The following BRIP1 variants were observed in gnomAD, a reference collection of about 807,000 sequenced individuals.
BRIP1 encodes Fanconi anemia group J protein.
Under a neutral mutation model 119.7 loss-of-function variants are expected in BRIP1, and 88 were observed. The observed-to-expected ratio is 0.74, with a 90% CI of 0.62 to 0.88. The LOEUF (loss-of-function observed/expected upper bound fraction) is 0.88, where lower values mean the gene tolerates loss of function less well. BRIP1 is among the 40% of genes least tolerant of loss of function. The pLI is 0.00. For synonymous variants in BRIP1, 443 were observed against 496.5 expected, an observed-to-expected ratio of 0.89 and a Z score of 1.43; for missense variants, 1,259 against 1,455.4, an observed-to-expected ratio of 0.87 and a Z score of 2.20.
Position 61,788,246 on chromosome 17 carries a change from A to G in BRIP1, c.1474-3822T>C, listed in dbSNP as rs143816746. Among the ~76,000 whole-genome samples the G allele has an allele frequency of 4.9e-3, 742 of 152,258 alleles. 2 individuals are homozygous for G. Among genetic ancestry groups the G allele is most frequent in the African/African-American group, 0.017 (715 of 41,572 alleles). On this transcript the variant is annotated intron_variant, in intron 10 of 19. Coordinates refer to ENST00000259008, the MANE Select transcript of BRIP1 (RefSeq NM_032043.3). ...AATATATCATTTGTAATGGAAACAGAAACTTTAAGCTACCCATGAATAAAT... is the reference window on the plus strand; with the variant it reads ...AATATATCATTTGTAATGGAAACAGGAACTTTAAGCTACCCATGAATAAAT...
intron 14 of BRIP1, among the ~76,000 whole-genome samples, chr17:61,773,700 A>G (rs1196910822): frequency 2.0e-5 from 3 of 152,216 alleles, no homozygotes; most frequent in African/African-American, 7.2e-5. Flanking sequence ...ACAAAGGGCT[A>G]ATATCTAGAA....
rs768610883 is a variant in BRIP1 at position 61,746,210 on chromosome 17, G to A, written c.2098-1619C>T. Reference sequence around the variant, plus strand: ...ACAATATGCTTTAATTAAATAGGAAGAACTACTTTAATTCCATAAACACAG... The same window carrying A: ...ACAATATGCTTTAATTAAATAGGAAAAACTACTTTAATTCCATAAACACAG... On this transcript the variant is annotated intron_variant, in intron 14 of 19. Coordinates refer to ENST00000259008, the MANE Select transcript of BRIP1 (RefSeq NM_032043.3). This position sits in a 1 kb window ranked among gnomAD's most constrained non-coding sequence, Gnocchi z 4.9. Among the ~76,000 whole-genome samples the A allele has an allele frequency of 3.9e-5, 6 of 151,990 alleles. No homozygotes were observed. Among genetic ancestry groups the A allele is most frequent in the Non-Finnish European group, 7.4e-5 (5 of 67,968 alleles).
intron 4 of BRIP1, among the ~76,000 whole-genome samples, chr17:61,854,324 T>C (rs1365552262): frequency 2.6e-5 from 4 of 151,514 alleles, no homozygotes; most frequent in African/African-American, 9.7e-5. Flanking sequence ...ATACCAAGGG[T>C]TCACAAGGAT....
rs1161143962 is a variant in BRIP1, at chr17:61,753,666, A to G, written c.2098-9075T>C. Among the ~76,000 whole-genome samples, 1 of 150,504 alleles carries G rather than the reference A, an allele frequency of 6.6e-6. No individual in the cohort carries two copies. The highest frequency in any genetic ancestry group is 6.6e-5 in the Admixed American group (1 of 15,084). On this transcript the variant is annotated intron_variant, in intron 14 of 19. Coordinates refer to ENST00000259008, the MANE Select transcript of BRIP1 (RefSeq NM_032043.3). This position sits in a 1 kb window ranked among gnomAD's most constrained non-coding sequence, Gnocchi z 4.6. ...GCTCAGGCTGAAGTGCAGTGGTGTG[A>G]TCACAGCTCATTGTAGCCTCACATT...
Position 61,825,951 on chromosome 17 carries a change from C to A in BRIP1, c.628-17194G>T, listed in dbSNP as rs371770550. 3.3e-5 allele frequency among the ~76,000 whole-genome samples: 5 copies of A among 152,196 alleles called. No homozygotes were observed. Among genetic ancestry groups the A allele is most frequent in the African/African-American group, 1.2e-4 (5 of 41,528 alleles). ...AAAGAGCCCAAAAAGCCAAGGCAAC[C>A]CTAAGCAAAAAGAACAAAGCTGGAG... On this transcript the variant is annotated intron_variant, in intron 6 of 19. Coordinates refer to ENST00000259008, the MANE Select transcript of BRIP1 (RefSeq NM_032043.3). The surrounding 1 kb of genome is among the most constrained non-coding windows in gnomAD (Gnocchi z 4.1).
rs764342293 is a variant in BRIP1 at position 61,845,299 on chromosome 17, G to T, written c.627+1802C>A. Among the ~76,000 whole-genome samples, 1 of 152,148 alleles carries T rather than the reference G, an allele frequency of 6.6e-6. No homozygotes were observed. The highest frequency in any genetic ancestry group is 1.5e-5 in the Non-Finnish European group (1 of 68,024). On this transcript the variant is annotated intron_variant, in intron 6 of 19. Coordinates refer to ENST00000259008, the MANE Select transcript of BRIP1 (RefSeq NM_032043.3). This position sits in a 1 kb window ranked among gnomAD's most constrained non-coding sequence, Gnocchi z 4.2. ...AACAAATCTGTGGTTGCCTGGGAAT[G>T]GGGGGACAGGGCAGAAAAAAGGTCC...
At chr17:61,784,638 G>A (rs2077677355) in intron 10 of BRIP1, among the ~76,000 whole-genome samples, 2 of 152,128 alleles carry the variant, frequency 1.3e-5, no homozygotes, top group African/African-American at 4.8e-5. Flanking sequence ...GGACCATGGG[G>A]GTAGATACCT....
chr17:61,719,892 G>A (rs941312438), intron 16 of BRIP1, among the ~76,000 whole-genome samples: 5 of 152,030 alleles, frequency 3.3e-5, no homozygotes, highest in South Asian at 2.1e-4. Flanking sequence ...GCAGTGGTGC[G>A]ATCATGGCTT....
intron 16 of BRIP1, among the ~76,000 whole-genome samples, chr17:61,721,656 A>G (rs2061977866): frequency 6.7e-6 from 1 of 149,500 alleles, no homozygotes; most frequent in Non-Finnish European, 1.5e-5. Flanking sequence ...CTTTACAACT[A>G]GAATATAAAG....
rs2078112284 is a variant in BRIP1 at position 61,808,627 on chromosome 17, T to C, written c.758A>G (p.His253Arg). 1 of 1,614,032 alleles carries C rather than the reference T, an allele frequency of 6.2e-7. No homozygotes were observed. ...TCTAGTAATCTGAGCAATCTGCTTGTGTGTGCGTGTCCCAAAATATATTTT... is the reference window on the plus strand; with the variant it reads ...TCTAGTAATCTGAGCAATCTGCTTGCGTGTGCGTGTCCCAAAATATATTTT... Reference protein sequence around the residue: ...IPKIYFGTRTHKQIAQITREL... With the variant: ...IPKIYFGTRTRKQIAQITREL... The change falls in exon 7 of 20, where the codon CAC becomes CGC. Residue 253 changes from histidine (H) to arginine (R), a missense_variant. Transcript: ENST00000259008. The surrounding 1 kb of genome is among the most constrained non-coding windows in gnomAD (Gnocchi z 4.1).
rs115224266 is a variant in BRIP1 at position 61,794,553 on chromosome 17, G to A, written c.1341-824C>T. ...TATCGGATGGTGTAGCGTTGGAGAC[G>A]GGAAAAGATCAGGAAAAATAACTAA... On this transcript the variant is annotated intron_variant, in intron 9 of 19. Transcript: ENST00000259008. The surrounding 1 kb of genome is among the most constrained non-coding windows in gnomAD (Gnocchi z 4.3). 5.6e-3 allele frequency among the ~76,000 whole-genome samples: 852 copies of A among 151,832 alleles called. 9 individuals carry two copies. Among genetic ancestry groups the A allele is most frequent in the African/African-American group, 0.019 (793 of 41,430 alleles).
chr17:61,732,039 T>C (rs2076854935), intron 16 of BRIP1, among the ~76,000 whole-genome samples: 1 of 140,684 alleles, frequency 7.1e-6, no homozygotes, highest in Non-Finnish European at 1.5e-5. Flanking sequence ...TGGAGTGCAG[T>C]GGAGCAATCT....
rs1244836508 is a variant in BRIP1 at position 61,774,902 on chromosome 17, G to C, written c.2097+1499C>G. 6.6e-6 allele frequency among the ~76,000 whole-genome samples: 1 copy of C among 152,120 alleles called. No homozygotes were observed. Among genetic ancestry groups the C allele is most frequent in the Non-Finnish European group, 1.5e-5 (1 of 68,020 alleles). ...TGCATTCCAAGCCTAGCAGAAAAAT[G>C]TCACCCAGACATCTCCTATCTCCCT... On this transcript the variant is annotated intron_variant, in intron 14 of 19. Transcript: ENST00000259008. This position sits in a 1 kb window ranked among gnomAD's most constrained non-coding sequence, Gnocchi z 5.8.
chr17:61,680,483 T>TTTTC lies in BRIP1; in HGVS notation c.*2812_*2813insGAAA, dbSNP rs1555571899. Among the ~76,000 whole-genome samples the TTTTC allele has an allele frequency of 2.2e-5, 3 of 138,010 alleles. No homozygotes were observed. Among genetic ancestry groups the TTTTC allele is most frequent in the Non-Finnish European group, 4.7e-5 (3 of 63,492 alleles). 90.5% of individuals were successfully genotyped at this position (138,010 alleles called of 152,430 possible). On this transcript the variant is annotated 3_prime_UTR_variant, in exon 20 of 20. Transcript: ENST00000259008. ...TTACCAATTCTAAAGGTAATTTCTT[T>TTTTC]TTTTTTTTTTTTTTGAGACGGAGTC... is the stretch of plus-strand genomic sequence containing the variant.
chr17:61,749,289 G>T (rs2077101413), intron 14 of BRIP1, among the ~76,000 whole-genome samples: 1 of 151,738 alleles, frequency 6.6e-6, no homozygotes, highest in South Asian at 2.1e-4. Context: ...AAACTAAAAG[G>T]TTTCTGCAAA....
In BRIP1 at chr17:61,709,453, T is replaced by C. The variant is rs774320040; in HGVS notation, c.2492+6498A>G. ...ATTATTTTTTGATATTATTTTAAAG[T>C]AACCTATAGGCTCCAAGGCAACAGA... is the stretch of plus-strand genomic sequence containing the variant. On this transcript the variant is annotated intron_variant, in intron 17 of 19. Transcript: ENST00000259008. The surrounding 1 kb of genome is among the most constrained non-coding windows in gnomAD (Gnocchi z 5.0). 2.6e-5 allele frequency among the ~76,000 whole-genome samples: 4 copies of C among 152,140 alleles called. No homozygotes were observed. Among genetic ancestry groups the C allele is most frequent in the Non-Finnish European group, 4.4e-5 (3 of 68,034 alleles).
chr17:61,797,568 C>A (rs1264628594), intron 9 of BRIP1, among the ~76,000 whole-genome samples: 1 of 152,000 alleles, frequency 6.6e-6, no homozygotes. Flanking sequence ...CAACTACAGA[C>A]AACTCTTTCA....
rs71150632 is a variant in BRIP1 at position 61,721,692 on chromosome 17, CTTTTTTTTTTTTTTT to C, written c.2380-5644_2380-5630del. Among the ~76,000 whole-genome samples the C allele has an allele frequency of 2.7e-4, 20 of 73,628 alleles. 1 individual carries two copies. The highest frequency in any genetic ancestry group is 1.0e-3 in the African/African-American group (18 of 17,230). 48.3% of individuals were successfully genotyped at this position (73,628 alleles called of 152,430 possible). ...GACATATAAAGGACATAGACTTTGC[CTTTTTTTTTTTTTTT>C]TTTTTTTTTGGACAGAGTACCGCTC... On this transcript the variant is annotated intron_variant, in intron 16 of 19. Transcript: ENST00000259008.
At position 61,762,167 on chromosome 17, in the gene BRIP1, A is replaced by T. The variant is rs1217646538; in HGVS notation, c.2097+14234T>A. On this transcript the variant is annotated intron_variant, in intron 14 of 19. Transcript: ENST00000259008. The surrounding 1 kb of genome is among the most constrained non-coding windows in gnomAD (Gnocchi z 4.3). ...CACAATGGGAAAAAAAGACTCTCTA[A>T]AAATGGTGCTAAGAAAATTAGATAT... 3.3e-5 allele frequency among the ~76,000 whole-genome samples: 5 copies of T among 152,076 alleles called. No homozygotes were observed. Among genetic ancestry groups the T allele is most frequent in the African/African-American group, 1.2e-4 (5 of 41,444 alleles).
Sources: gnomAD v4.1 joint callset for allele counts (sites outside exome capture counted in the v4.1 genomes callset) on GRCh38, gnomAD v4.1.1 for gene constraint, Gnocchi (gnomAD v3.1) non-coding constraint, MANE v1.5 for transcripts, NCBI Gene and HGNC (gene_info 2026-07-23, HGNC 2026-07-21) for gene names.